The following PDZD8 variants were observed in gnomAD, a reference collection of about 807,000 sequenced individuals.
PDZD8 encodes PDZ domain-containing protein 8.
In PDZD8, 14 loss-of-function variants were observed where a neutral mutation model predicts 85.8. The observed-to-expected ratio is 0.16, with a 90% CI of 0.11 to 0.26. The LOEUF (loss-of-function observed/expected upper bound fraction) is 0.26. Ranked by LOEUF, PDZD8 falls within the 10% of genes least tolerant of loss-of-function variation. The probability of loss-of-function intolerance (pLI) is 1.00; values close to 1 mark genes in which losing one functional copy is unlikely to be tolerated. For synonymous variants in PDZD8, 592 were observed against 568.6 expected (o/e 1.04, Z -0.59); for missense variants, 1,197 against 1,424.3 (o/e 0.84, Z 2.57).
rs1214085566 is a variant in PDZD8, at chr10:117,340,041, A to T, written c.995+939T>A. 2.0e-5 allele frequency among the ~76,000 whole-genome samples: 3 copies of T among 152,216 alleles called. No homozygotes were observed. The East Asian group carries it at 5.8e-4, about 29-fold the overall frequency. ...AGGACTAGGAGATATGAAGGCTAGT[A>T]TAGTAAGTAGCTCAAGCAAGATATG... On this transcript the variant is annotated intron_variant, in intron 2 of 4. Transcript: ENST00000334464.
chr10:117,333,667 A>G (rs1362271132), intron 2 of PDZD8, among the ~76,000 whole-genome samples: 1 of 152,236 alleles, frequency 6.6e-6, no homozygotes, highest in Non-Finnish European at 1.5e-5. Context: ...CTCCTCTTGT[A>G]AATGAATTTC....
chr10:117,314,660 A>C (rs1378424814), intron 3 of PDZD8, among the ~76,000 whole-genome samples: 1 of 152,142 alleles, frequency 6.6e-6, no homozygotes, highest in Non-Finnish European at 1.5e-5. Flanking sequence ...GGTATGAAGT[A>C]CTTCTACTCT....
chr10:117,288,330 T>C (rs1177992832), intron 4 of PDZD8, among the ~76,000 whole-genome samples: 1 of 149,518 alleles, frequency 6.7e-6, no homozygotes, highest in East Asian at 2.0e-4. Context: ...AAATGCATAG[T>C]TTAGAAATTT....
At chr10:117,333,143 AG>A (rs1365287275) in intron 2 of PDZD8, among the ~76,000 whole-genome samples, 1 of 148,886 alleles carries the variant, frequency 6.7e-6, no homozygotes, top group African/African-American at 2.5e-5. Flanking sequence ...AAAAAAAAAA[AG>A]GGGATATGGA....
intron 3 of PDZD8, among the ~76,000 whole-genome samples, chr10:117,310,296 C>T (rs186684341): frequency 1.3e-5 from 2 of 152,094 alleles, no homozygotes; most frequent in Admixed American, 1.3e-4. Flanking sequence ...ACTTCTCCCT[C>T]ATTGGAACCT....
chr10:117,295,513 C>T (rs1843740763), intron 3 of PDZD8, among the ~76,000 whole-genome samples: 2 of 152,094 alleles, frequency 1.3e-5, no homozygotes, highest in Admixed American at 6.6e-5. Flanking sequence ...ACACAAAAAA[C>T]TCCCTCCCAG....
At chr10:117,296,125 A>G (rs779421018) in intron 3 of PDZD8, among the ~76,000 whole-genome samples, 111 of 152,172 alleles carry the variant, frequency 7.3e-4, no homozygotes, top group Non-Finnish European at 1.4e-3. Flanking sequence ...AAATTAAGTC[A>G]CAGACTACAA....
rs1554854831 is a variant in PDZD8, at chr10:117,333,117, C to CAAAAAAAAACAAAAAAAAAAAAAAAAAA, written c.995+7862_995+7863insTTTTTTTTTTTTTTTTTTGTTTTTTTTT. Among the ~76,000 whole-genome samples, 2 of 7,260 alleles carry CAAAAAAAAACAAAAAAAAAAAAAAAAAA rather than the reference C, an allele frequency of 2.8e-4. 1 individual carries two copies. 4.8% of individuals were successfully genotyped at this position (7,260 alleles called of 152,430 possible). A position where few individuals can be genotyped will look rare whatever the true frequency, so the allele number is the denominator to read the frequency against. On this transcript the variant is annotated intron_variant, in intron 2 of 4. Transcript: ENST00000334464. ...CTGGACAGCAGAGTGGACTCTGTCT[C>CAAAAAAAAACAAAAAAAAAAAAAAAAAA]AAAAAAAAAAAAAAAAAAAAAAAAA...
chr10:117,309,218 G>A (rs976745802), intron 3 of PDZD8, among the ~76,000 whole-genome samples: 1 of 151,988 alleles, frequency 6.6e-6, no homozygotes, highest in African/African-American at 2.4e-5. Flanking sequence ...TTTTATGACT[G>A]TTGCCTCCTT....
At chr10:117,315,505 G>A (rs1228797024) in intron 3 of PDZD8, among the ~76,000 whole-genome samples, 1 of 138,902 alleles carries the variant, frequency 7.2e-6, no homozygotes, top group Non-Finnish European at 1.5e-5. Context: ...TGAGGCAGGA[G>A]AACTGATCCA....
rs1191449791 is a variant in PDZD8 at position 117,281,750 on chromosome 10, T to G, written c.*1518A>C. 1 of 152,194 alleles carries G rather than the reference T, an allele frequency of 6.6e-6. No homozygotes were observed. Among genetic ancestry groups the G allele is most frequent in the Non-Finnish European group, 1.5e-5 (1 of 68,038 alleles). The allele number at this position is 152,194 out of a possible 1,614,324, so 9.4% of individuals were successfully genotyped here. On this transcript the variant is annotated 3_prime_UTR_variant, in exon 5 of 5. Coordinates refer to ENST00000334464, the MANE Select transcript of PDZD8 (RefSeq NM_173791.5). ...GTTCATTAATGGAAGGGCTTGAACTTAAACTCTTTTATGGAGTCCTGGAGT... is the reference window on the plus strand; with the variant it reads ...GTTCATTAATGGAAGGGCTTGAACTGAAACTCTTTTATGGAGTCCTGGAGT...
rs1844528731 is a variant in PDZD8 at position 117,278,288 on chromosome 10, C to A, written c.*4980G>T. ...ATTTTTTAGACTCCTGAAAGTTGTT[C>A]ACATCAATGTGAAGACAAATTTTAA... is the stretch of plus-strand genomic sequence containing the variant. On this transcript the variant is annotated 3_prime_UTR_variant, in exon 5 of 5. Coordinates refer to ENST00000334464, the MANE Select transcript of PDZD8 (RefSeq NM_173791.5). The A allele has an allele frequency of 1.3e-5, 2 of 152,084 alleles. No individual in the cohort carries two copies. The highest frequency in any genetic ancestry group is 4.8e-5 in the African/African-American group (2 of 41,408). 9.4% of individuals were successfully genotyped at this position (152,084 alleles called of 1,614,324 possible). A position where few individuals can be genotyped will look rare whatever the true frequency, so the allele number is the denominator to read the frequency against.
intron 1 of PDZD8, among the ~76,000 whole-genome samples, chr10:117,351,718 T>TA (rs760863575): frequency 6.6e-6 from 1 of 152,192 alleles, no homozygotes; most frequent in Non-Finnish European, 1.5e-5. Context: ...GACAGGGTCT[T>TA]ACTCTGTTGC....
chr10:117,306,076 T>C (rs1843938411), intron 3 of PDZD8, among the ~76,000 whole-genome samples: 1 of 152,318 alleles, frequency 6.6e-6, no homozygotes, highest in Middle Eastern at 3.4e-3. Flanking sequence ...AGAAGATTTC[T>C]TTCTGGATGA....
Position 117,283,893 on chromosome 10 carries a change from T to C in PDZD8, c.2840A>G (p.Asn947Ser). The C allele has an allele frequency of 6.2e-7, 1 of 1,614,198 alleles. No homozygotes were observed. The highest frequency in any genetic ancestry group is 1.7e-5 in the Admixed American group (1 of 60,028). The part of the protein sequence containing the change: ...HIINTSSRLL[N>S]LRQVSKTRLS... ...GCGAGTTTTAGAGACTTGACGCAAA[T>C]TTAATAAACGAGAACTAGTATTGAT... The change falls in exon 5 of 5, where the codon AAT becomes AGT. Residue 947 changes from asparagine (N) to serine (S), a missense_variant. Physicochemically the swap from Asn to Ser is conservative, Grantham distance 46. Coordinates refer to ENST00000334464, the MANE Select transcript of PDZD8 (RefSeq NM_173791.5).
chr10:117,371,158 C>T (rs184140449), intron 1 of PDZD8, among the ~76,000 whole-genome samples: 1 of 152,304 alleles, frequency 6.6e-6, no homozygotes. Flanking sequence ...ATCAGTCCCA[C>T]ATCATCACCA....
intron 1 of PDZD8, among the ~76,000 whole-genome samples, chr10:117,343,915 A>G (rs1443460747): frequency 6.6e-6 from 1 of 152,242 alleles, no homozygotes; most frequent in African/African-American, 2.4e-5. Context: ...GTCTTTAAGT[A>G]TCCCAAACCC....
intron 2 of PDZD8, among the ~76,000 whole-genome samples, chr10:117,334,570 G>C (rs1394756790): frequency 6.6e-6 from 1 of 151,718 alleles, no homozygotes; most frequent in Non-Finnish European, 1.5e-5. Context: ...GCAGATCAAG[G>C]CTTCAATGCA....
At chr10:117,329,509 T>G (rs1421530894) in intron 2 of PDZD8, among the ~76,000 whole-genome samples, 1 of 152,130 alleles carries the variant, frequency 6.6e-6, no homozygotes, top group Non-Finnish European at 1.5e-5. Context: ...GCGATGACGT[T>G]GAGCAGTAGG....
Sources: gnomAD v4.1 joint callset for allele counts (sites outside exome capture counted in the v4.1 genomes callset) on GRCh38, gnomAD v4.1.1 for gene constraint, MANE v1.5 for transcripts, NCBI Gene and HGNC (gene_info 2026-07-23, HGNC 2026-07-21) for gene names.